The following SUGCT variants were observed in gnomAD, a reference collection of about 807,000 sequenced individuals.
The protein encoded by SUGCT is succinyl-CoA:glutarate CoA-transferase.
Under a neutral mutation model 55.0 loss-of-function variants are expected in SUGCT, and 41 were observed. That is an observed-to-expected ratio of 0.74 (90% CI 0.58 to 0.97). SUGCT has a LOEUF of 0.97. SUGCT is among the 50% of genes least tolerant of loss of function. SUGCT has a pLI of 0.00. For synonymous variants in SUGCT, 187 were observed against 200.4 expected (o/e 0.93, Z 0.56); for missense variants, 568 against 547.8 (o/e 1.04, Z -0.37).
At chr7:40,426,834 G>T (rs140498861) in intron 9 of SUGCT, among the ~76,000 whole-genome samples, 1,643 of 151,862 alleles carry the variant, frequency 0.011, 15 homozygotes, top group Non-Finnish European at 0.016. Flanking sequence ...TTTTTTAAGA[G>T]ATAGGGTCTT....
intron 11 of SUGCT, among the ~76,000 whole-genome samples, chr7:40,495,530 A>G (rs1274621080): frequency 1.3e-5 from 2 of 152,220 alleles, no homozygotes; most frequent in Non-Finnish European, 2.9e-5. Flanking sequence ...GTGTCCCTAT[A>G]GATCCAAGAT....
chr7:40,757,579 G>T (rs768793628), intron 13 of SUGCT, among the ~76,000 whole-genome samples: 1 of 152,196 alleles, frequency 6.6e-6, no homozygotes, highest in Non-Finnish European at 1.5e-5. Flanking sequence ...CTACTAGGAA[G>T]TGATATTTAT....
the SUGCT span, among the ~76,000 whole-genome samples, chr7:40,986,906 G>C: frequency 6.6e-6 from 1 of 152,102 alleles, no homozygotes; most frequent in Non-Finnish European, 1.5e-5. Flanking sequence ...ACCTCCTCCA[G>C]AAAGTCTCTC....
intron 12 of SUGCT, among the ~76,000 whole-genome samples, chr7:40,592,710 A>G (rs1797795391): frequency 6.6e-6 from 1 of 152,102 alleles, no homozygotes; most frequent in African/African-American, 2.4e-5. Flanking sequence ...CATTTTGAAT[A>G]TGGTTTTGAC....
intron 12 of SUGCT, among the ~76,000 whole-genome samples, chr7:40,511,314 C>G (rs1226607809): frequency 2.0e-5 from 3 of 152,108 alleles, no homozygotes; most frequent in African/African-American, 7.2e-5. Flanking sequence ...ACCATTGTCC[C>G]TAAGCTGACC....
chr7:40,959,015 TG>T, the SUGCT span, among the ~76,000 whole-genome samples: 1 of 152,174 alleles, frequency 6.6e-6, no homozygotes, highest in Non-Finnish European at 1.5e-5. Context: ...CAGCAATGAT[TG>T]CTGCCTGCTC....
chr7:40,164,645 A>T (rs1488047622), intron 1 of SUGCT, among the ~76,000 whole-genome samples: 1 of 152,184 alleles, frequency 6.6e-6, no homozygotes, highest in East Asian at 1.9e-4. Context: ...GCCTCCAGAG[A>T]TTTCAGAAAA....
At chr7:40,341,605 T>A (rs1797051617) in intron 9 of SUGCT, among the ~76,000 whole-genome samples, 1 of 152,146 alleles carries the variant, frequency 6.6e-6, no homozygotes, top group Non-Finnish European at 1.5e-5. Flanking sequence ...ATAAATCAAC[T>A]GGAATAAGCT....
chr7:40,289,439 A>T (rs1793582618), intron 8 of SUGCT, among the ~76,000 whole-genome samples: 1 of 152,204 alleles, frequency 6.6e-6, no homozygotes, highest in African/African-American at 2.4e-5. Flanking sequence ...ACAATGGTAA[A>T]ATAGAGCAAT....
intron 1 of SUGCT, among the ~76,000 whole-genome samples, chr7:40,178,205 T>A (rs1479884711): frequency 6.6e-6 from 1 of 152,206 alleles, no homozygotes; most frequent in Non-Finnish European, 1.5e-5. Flanking sequence ...AATAAACATT[T>A]CCATTTCCTA....
intron 7 of SUGCT, among the ~76,000 whole-genome samples, chr7:40,256,782 C>T (rs896552118): frequency 6.6e-6 from 1 of 152,104 alleles, no homozygotes; most frequent in African/African-American, 2.4e-5. Flanking sequence ...CTCACTCTGT[C>T]ACCCAGGCTG....
chr7:40,851,643 A>C (rs1270931304), intron 13 of SUGCT, among the ~76,000 whole-genome samples: 1 of 152,218 alleles, frequency 6.6e-6, no homozygotes, highest in Non-Finnish European at 1.5e-5. Flanking sequence ...CAGTTCACCC[A>C]CAGCCCTTGC....
At chr7:40,820,662 T>TG (rs1344057157) in intron 13 of SUGCT, among the ~76,000 whole-genome samples, 3 of 152,236 alleles carry the variant, frequency 2.0e-5, no homozygotes, top group Non-Finnish European at 4.4e-5. Context: ...AAGGAGATTT[T>TG]GGGCTGAGAC....
chr7:40,741,134 C>T (rs1006540456), intron 12 of SUGCT, among the ~76,000 whole-genome samples: 20 of 151,734 alleles, frequency 1.3e-4, no homozygotes, highest in East Asian at 1.9e-4. Context: ...AATAATTAGC[C>T]GAGTGTGGTG....
chr7:40,623,081 A>G (rs1464415947), intron 12 of SUGCT, among the ~76,000 whole-genome samples: 1 of 152,152 alleles, frequency 6.6e-6, no homozygotes, highest in African/African-American at 2.4e-5. Flanking sequence ...CTGATGCTTG[A>G]TAACAGGATT....
chr7:40,622,226 A>G (rs1426057312), intron 12 of SUGCT, among the ~76,000 whole-genome samples: 2 of 152,212 alleles, frequency 1.3e-5, no homozygotes, highest in Non-Finnish European at 2.9e-5. Context: ...CAGTGTGCCA[A>G]TTAGTGCCTT....
chr7:40,771,203 T>C (rs1789085466), intron 13 of SUGCT, among the ~76,000 whole-genome samples: 1 of 152,190 alleles, frequency 6.6e-6, no homozygotes, highest in African/African-American at 2.4e-5. Context: ...CAAAACATAC[T>C]TAGATTTCCC....
intron 12 of SUGCT, among the ~76,000 whole-genome samples, chr7:40,648,731 G>A (rs143630567): frequency 5.9e-5 from 9 of 152,316 alleles, no homozygotes; most frequent in African/African-American, 2.2e-4. Context: ...GAATCGAAGT[G>A]TTATTGCTAC....
At chr7:40,185,683 C>T (rs1482119473) in intron 3 of SUGCT, among the ~76,000 whole-genome samples, 7 of 152,120 alleles carry the variant, frequency 4.6e-5, no homozygotes, top group East Asian at 1.9e-4. Flanking sequence ...CCATCACCCC[C>T]GGCTAATTTT....
Sources: gnomAD v4.1 joint callset for allele counts (sites outside exome capture counted in the v4.1 genomes callset) on GRCh38, gnomAD v4.1.1 for gene constraint, MANE v1.5 for transcripts, NCBI Gene and HGNC (gene_info 2026-07-23, HGNC 2026-07-21) for gene names.